The following PRKN variants were observed in gnomAD, a reference collection of about 807,000 sequenced individuals.
PRKN encodes the protein parkin RBR E3 ubiquitin protein ligase.
PRKN carries 56 observed loss-of-function variants against 59.5 expected under a neutral mutation model. That is an observed-to-expected ratio of 0.94 (90% CI 0.76 to 1.18). The LOEUF is 1.18. Among genes scored for constraint, PRKN ranks in the 50% most tolerant of loss-of-function variants. The probability of loss-of-function intolerance (pLI) is 0.00; values close to 1 mark genes in which losing one functional copy is unlikely to be tolerated. For missense variants in PRKN, 657 were observed against 596.4 expected (o/e 1.10, Z -1.06); for synonymous variants, 250 against 222.1 (o/e 1.13, Z -1.12).
intron 1 of PRKN, among the ~76,000 whole-genome samples, chr6:162,548,000 A>G (rs1779184125): frequency 6.6e-6 from 1 of 152,148 alleles, no homozygotes; most frequent in Non-Finnish European, 1.5e-5. Flanking sequence ...GGATCGAGAC[A>G]CCATTAACCT....
rs1375901693 is a variant in PRKN, at chr6:161,578,745, G to A, written c.872-9329C>T. The stretch of plus-strand genomic sequence containing the variant: ...TGCAATAGATTTTCTGTGGTCATTT[G>A]GGAGGTTTGAGACAGAGGACAAGGT... On this transcript the variant is annotated intron_variant, in intron 7 of 11. Transcript: ENST00000366898. This position sits in a 1 kb window ranked among gnomAD's most constrained non-coding sequence, Gnocchi z 4.2. 6.6e-6 allele frequency among the ~76,000 whole-genome samples: 1 copy of A among 152,192 alleles called. No homozygotes were observed. The highest frequency in any genetic ancestry group is 1.5e-5 in the Non-Finnish European group (1 of 68,034).
chr6:161,965,575 C>T (rs1291475461), intron 6 of PRKN, among the ~76,000 whole-genome samples: 1 of 152,016 alleles, frequency 6.6e-6, no homozygotes, highest in Non-Finnish European at 1.5e-5. Context: ...ATATGAGTGA[C>T]AATGGTCCAT....
At chr6:162,124,862 G>A (rs1781058881) in intron 4 of PRKN, among the ~76,000 whole-genome samples, 2 of 152,134 alleles carry the variant, frequency 1.3e-5, no homozygotes, top group African/African-American at 4.8e-5. Context: ...AGCATGGCAA[G>A]TCAGCCAGAA....
At chr6:162,549,400 A>G (rs1224515753) in intron 1 of PRKN, among the ~76,000 whole-genome samples, 1 of 152,184 alleles carries the variant, frequency 6.6e-6, no homozygotes, top group East Asian at 1.9e-4. Context: ...TAGTTCTGCT[A>G]TTGGTTATCA....
intron 1 of PRKN, among the ~76,000 whole-genome samples, chr6:162,613,762 C>T (rs9458617): frequency 6.6e-6 from 1 of 151,956 alleles, no homozygotes; most frequent in Non-Finnish European, 1.5e-5. Context: ...TGATAAAATG[C>T]CTTACAGACT....
chr6:161,699,368 T>C (rs1318739476), intron 7 of PRKN, among the ~76,000 whole-genome samples: 1 of 152,132 alleles, frequency 6.6e-6, no homozygotes, highest in African/African-American at 2.4e-5. Flanking sequence ...AATTAAACCA[T>C]ATGTTCATAA....
chr6:162,036,001 A>G (rs1783822707), intron 5 of PRKN, among the ~76,000 whole-genome samples: 1 of 152,168 alleles, frequency 6.6e-6, no homozygotes, highest in Non-Finnish European at 1.5e-5. Context: ...AGATCCTCCT[A>G]ATAATGATAA....
At chr6:162,625,002 G>A (rs1459633980) in intron 1 of PRKN, among the ~76,000 whole-genome samples, 1 of 152,186 alleles carries the variant, frequency 6.6e-6, no homozygotes, top group African/African-American at 2.4e-5. Context: ...CCTTCCTTCT[G>A]GGAAGGCTCT....
intron 6 of PRKN, among the ~76,000 whole-genome samples, chr6:161,897,875 G>A (rs964814567): frequency 2.0e-5 from 3 of 146,342 alleles, no homozygotes; most frequent in Non-Finnish European, 3.0e-5. Context: ...GCTGAGGCAG[G>A]AGAATGGCGT....
chr6:162,018,464 G>T (rs1267431833), intron 5 of PRKN, among the ~76,000 whole-genome samples: 2 of 152,190 alleles, frequency 1.3e-5, no homozygotes, highest in African/African-American at 4.8e-5. Flanking sequence ...AGCCATTTTT[G>T]AATTACTTGG....
Position 161,379,327 on chromosome 6 carries a change from G to A in PRKN, c.1167+7467C>T, listed in dbSNP as rs1416140412. Among the ~76,000 whole-genome samples the A allele has an allele frequency of 6.6e-6, 1 of 152,200 alleles. No individual in the cohort carries two copies. The highest frequency in any genetic ancestry group is 2.4e-5 in the African/African-American group (1 of 41,448). ...GGCGAGGGGAATCTAGAATGAGTAGGAGAGAAGGAAGTCAATGGGAGTCAG... is the reference window on the plus strand; with the variant it reads ...GGCGAGGGGAATCTAGAATGAGTAGAAGAGAAGGAAGTCAATGGGAGTCAG... On this transcript the variant is annotated intron_variant, in intron 10 of 11. Transcript: ENST00000366898. The surrounding 1 kb of genome is among the most constrained non-coding windows in gnomAD (Gnocchi z 4.9).
At chr6:162,268,310 G>A (rs920699915) in intron 2 of PRKN, among the ~76,000 whole-genome samples, 28 of 152,132 alleles carry the variant, frequency 1.8e-4, no homozygotes, top group Non-Finnish European at 4.0e-4. Context: ...TCATGAATGG[G>A]ATTAGTGCCC....
In PRKN at chr6:162,274,909, G is replaced by A. The variant is rs190482410; in HGVS notation, c.172-12144C>T. 1,204 of 151,718 alleles carry A rather than the reference G, an allele frequency of 7.9e-3. 8 individuals are homozygous for A. Among genetic ancestry groups the A allele is most frequent in the Non-Finnish European group, 0.012 (798 of 67,906 alleles). 9.4% of individuals were successfully genotyped at this position (151,718 alleles called of 1,614,324 possible). On this transcript the variant is annotated intron_variant, in intron 2 of 11. Transcript: ENST00000366898. ...ATCCTGGCTAACATGGTGAAACCCC[G>A]TCTCTACTAAAAATACAAAAAATTA...
chr6:161,442,705 C>T lies in PRKN; in HGVS notation c.1084-55828G>A, dbSNP rs1164439445. On this transcript the variant is annotated intron_variant, in intron 9 of 11. Coordinates refer to ENST00000366898, the MANE Select transcript of PRKN (RefSeq NM_004562.3). The surrounding 1 kb of genome is among the most constrained non-coding windows in gnomAD (Gnocchi z 4.6). Reference sequence around the variant, plus strand: ...CTGTTCCTTCGGGGCCCCGCTTACACACCAACACCCATGAATGCTTTTCAA... The same window carrying T: ...CTGTTCCTTCGGGGCCCCGCTTACATACCAACACCCATGAATGCTTTTCAA... Among the ~76,000 whole-genome samples the T allele has an allele frequency of 6.6e-6, 1 of 152,220 alleles. No individual in the cohort carries two copies. Among genetic ancestry groups the T allele is most frequent in the Non-Finnish European group, 1.5e-5 (1 of 68,040 alleles).
Position 162,001,293 on chromosome 6 carries a change from T to TA in PRKN, c.619-27877_619-27876insT, listed in dbSNP as rs1226107976. On this transcript the variant is annotated intron_variant, in intron 5 of 11. Transcript: ENST00000366898. ...TCCATGAACACGGGCTATTTCTCCATTTATTTAGTTAATTTCTTTCATCAC... is the reference window on the plus strand; with the variant it reads ...TCCATGAACACGGGCTATTTCTCCATATTATTTAGTTAATTTCTTTCATCAC... Among the ~76,000 whole-genome samples the TA allele has an allele frequency of 1.4e-3, 218 of 152,188 alleles. 1 individual carries two copies. The highest frequency in any genetic ancestry group is 5.0e-3 in the African/African-American group (207 of 41,550).
intron 9 of PRKN, among the ~76,000 whole-genome samples, chr6:161,482,935 T>G (rs577154228): frequency 2.0e-5 from 3 of 152,364 alleles, no homozygotes; most frequent in African/African-American, 7.2e-5. Context: ...GCATATTTAA[T>G]GTTTCATAGC....
chr6:162,510,886 G>A (rs1777578758), intron 1 of PRKN, among the ~76,000 whole-genome samples: 1 of 151,908 alleles, frequency 6.6e-6, no homozygotes. Context: ...TTGTGCCACT[G>A]CACTCCACCC....
At chr6:162,130,961 T>A (rs1781327878) in intron 4 of PRKN, among the ~76,000 whole-genome samples, 2 of 152,308 alleles carry the variant, frequency 1.3e-5, no homozygotes, top group South Asian at 2.1e-4. Flanking sequence ...ATTTAGATAA[T>A]CTTAACAGCT....
chr6:162,328,153 G>T (rs1448838522), intron 2 of PRKN, among the ~76,000 whole-genome samples: 1 of 152,180 alleles, frequency 6.6e-6, no homozygotes, highest in Non-Finnish European at 1.5e-5. Flanking sequence ...AAAGTCAAGA[G>T]ATCAAGACCA....
Sources: allele counts gnomAD v4.1 joint callset (sites outside exome capture counted in the v4.1 genomes callset), GRCh38; gene constraint gnomAD v4.1.1; non-coding constraint Gnocchi (gnomAD v3.1); transcripts MANE v1.5; gene names NCBI Gene and HGNC (gene_info 2026-07-23, HGNC 2026-07-21).